The following CDH12 variants were observed in gnomAD, a reference collection of about 807,000 sequenced individuals.
The protein encoded by CDH12 is cadherin 12, also known as cadherin-12.
In CDH12, 41 loss-of-function variants were observed where a neutral mutation model predicts 74.1. That is an observed-to-expected ratio of 0.55 (90% CI 0.43 to 0.72). The LOEUF is 0.72. Ranked by LOEUF, CDH12 falls within the 30% of genes least tolerant of loss-of-function variation. The pLI, the probability that CDH12 is intolerant of heterozygous loss-of-function variation, is 0.00. For missense variants in CDH12, 945 were observed against 977.2 expected (o/e 0.97, Z 0.44); for synonymous variants, 399 against 355.0 (o/e 1.12, Z -1.39).
chr5:22,282,453 AG>A (rs1736930722), intron 3 of CDH12, among the ~76,000 whole-genome samples: 1 of 152,200 alleles, frequency 6.6e-6, no homozygotes. Context: ...CTGAGTAAAC[AG>A]GCAACCTACA....
intron 1 of CDH12, among the ~76,000 whole-genome samples, chr5:22,721,554 C>A (rs933320877): frequency 6.6e-6 from 1 of 152,004 alleles, no homozygotes; most frequent in Admixed American, 6.6e-5. Flanking sequence ...TATGGACTTT[C>A]GAGTTAATAT....
intron 3 of CDH12, among the ~76,000 whole-genome samples, chr5:22,217,369 A>T (rs1751842714): frequency 6.6e-6 from 1 of 151,848 alleles, no homozygotes; most frequent in Non-Finnish European, 1.5e-5. Context: ...ATTATCTTAA[A>T]ATTGGAGAGC....
At chr5:22,263,586 G>T (rs1753599925) in intron 3 of CDH12, among the ~76,000 whole-genome samples, 2 of 151,944 alleles carry the variant, frequency 1.3e-5, no homozygotes, top group Non-Finnish European at 1.5e-5. Context: ...TTTTTGGGGG[G>T]TGTATGCATC....
At chr5:22,067,328 A>G (rs7444702) in intron 5 of CDH12, among the ~76,000 whole-genome samples, 63,982 of 152,066 alleles carry the variant, frequency 0.42, 17,300 homozygotes, top group African/African-American at 0.78. Flanking sequence ...TACCGGACAT[A>G]TTGAGATATC....
chr5:22,758,108 G>A (rs1746025124), intron 1 of CDH12, among the ~76,000 whole-genome samples: 1 of 152,192 alleles, frequency 6.6e-6, no homozygotes, highest in Non-Finnish European at 1.5e-5. Flanking sequence ...GAGACTGATA[G>A]TGCAGGCGGC....
intron 5 of CDH12, among the ~76,000 whole-genome samples, chr5:22,001,363 T>A (rs12514990): frequency 0.17 from 26,176 of 152,054 alleles, 2,587 homozygotes; most frequent in African/African-American, 0.26. Context: ...AATGGCTGTA[T>A]TTTGCCCAAT....
intron 1 of CDH12, among the ~76,000 whole-genome samples, chr5:22,619,603 C>T (rs1356481209): frequency 6.6e-6 from 1 of 151,754 alleles, no homozygotes; most frequent in African/African-American, 2.4e-5. Context: ...TTTGCCTTGT[C>T]TAAAAATATC....
intron 4 of CDH12, among the ~76,000 whole-genome samples, chr5:22,084,739 C>G (rs1250770296): frequency 6.6e-6 from 1 of 152,134 alleles, no homozygotes; most frequent in African/African-American, 2.4e-5. Context: ...CGGTTGTCAG[C>G]CAGGGAGCTT....
chr5:21,891,227 G>A (rs566493011), intron 6 of CDH12, among the ~76,000 whole-genome samples: 3 of 152,178 alleles, frequency 2.0e-5, no homozygotes, highest in South Asian at 4.1e-4. Flanking sequence ...AAAAGATTAA[G>A]AGTTCAGGAA....
intron 2 of CDH12, among the ~76,000 whole-genome samples, chr5:22,416,178 C>T (rs1029720088): frequency 1.8e-4 from 27 of 147,286 alleles, no homozygotes; most frequent in East Asian, 8.1e-4. Context: ...AGGTTCACGC[C>T]ATTCTCCTGC....
At chr5:22,844,019 A>C (rs1412015784) in intron 1 of CDH12, among the ~76,000 whole-genome samples, 1 of 152,066 alleles carries the variant, frequency 6.6e-6, no homozygotes, top group African/African-American at 2.4e-5. Flanking sequence ...TATAATTATA[A>C]GGATGCTTAT....
intron 13 of CDH12, among the ~76,000 whole-genome samples, chr5:21,758,522 G>A (rs554981439): frequency 1.3e-5 from 2 of 151,986 alleles, no homozygotes; most frequent in Non-Finnish European, 2.9e-5. Flanking sequence ...TTATTATCAG[G>A]TTATAAAATC....
chr5:22,059,075 A>G (rs1740970446), intron 5 of CDH12, among the ~76,000 whole-genome samples: 1 of 152,146 alleles, frequency 6.6e-6, no homozygotes, highest in African/African-American at 2.4e-5. Flanking sequence ...TATGAAGCTA[A>G]GGAAGAATTT....
intron 2 of CDH12, among the ~76,000 whole-genome samples, chr5:22,484,296 C>T (rs948184543): frequency 4.6e-5 from 7 of 152,060 alleles, no homozygotes; most frequent in African/African-American, 7.2e-5. Context: ...AGGGATTTCA[C>T]GGGTAGGTCT....
At chr5:22,491,610 C>CAAAAAAAAAAAAAAAAAAAAAAA (rs11446320) in intron 2 of CDH12, among the ~76,000 whole-genome samples, 1 of 120,928 alleles carries the variant, frequency 8.3e-6, no homozygotes, top group Non-Finnish European at 1.7e-5. Flanking sequence ...AGCTAATGAG[C>CAAAAAAAAAAAAAAAAAAAAAAA]AAAAAAAAAA....
In CDH12 at chr5:22,569,607, C is replaced by T. The variant is rs563692899; in HGVS notation, c.-522-64243G>A. Among the ~76,000 whole-genome samples the T allele has an allele frequency of 5.3e-5, 8 of 152,240 alleles. No homozygotes were observed. In the South Asian group the frequency reaches 8.3e-4, roughly 16 times the overall value. On this transcript the variant is annotated intron_variant, in intron 1 of 14. Transcript: ENST00000382254. ...GGACATATTCTAAATCCTTTGTTGT[C>T]GTTTCACAATGTTTACAGCATCTTA...
chr5:21,972,394 C>A (rs1171213234), intron 6 of CDH12, among the ~76,000 whole-genome samples: 2 of 152,052 alleles, frequency 1.3e-5, no homozygotes, highest in Non-Finnish European at 2.9e-5. Flanking sequence ...ATATACCATA[C>A]AAAGTTCCAT....
intron 1 of CDH12, among the ~76,000 whole-genome samples, chr5:22,840,185 A>G (rs1737021771): frequency 6.6e-6 from 1 of 152,132 alleles, no homozygotes. Flanking sequence ...CGGTTGCACG[A>G]TCTTGGCGCG....
chr5:22,841,770 C>T (rs1737093043), intron 1 of CDH12, among the ~76,000 whole-genome samples: 1 of 152,056 alleles, frequency 6.6e-6, no homozygotes, highest in African/African-American at 2.4e-5. Context: ...TTAACTGAGT[C>T]AAATAAACAT....
Sources: allele counts gnomAD v4.1 joint callset (sites outside exome capture counted in the v4.1 genomes callset), GRCh38; gene constraint gnomAD v4.1.1; transcripts MANE v1.5; gene names NCBI Gene and HGNC (gene_info 2026-07-23, HGNC 2026-07-21).